SLC9A9: variants seen among roughly 807,000 people sequenced by gnomAD.
SLC9A9 encodes sodium/hydrogen exchanger 9.
A neutral mutation model predicts 77.8 loss-of-function variants in SLC9A9; 62 were observed. That is an observed-to-expected ratio of 0.80 (90% CI 0.65 to 0.98). SLC9A9 has a LOEUF of 0.98. Among genes scored for constraint, SLC9A9 ranks in the 50% least tolerant of loss-of-function variants. SLC9A9 has a pLI of 0.00. For synonymous variants in SLC9A9, 320 were observed against 283.5 expected (o/e 1.13, Z -1.29); for missense variants, 775 against 774.9 (o/e 1.00, Z 0.00).
At chr3:143,664,392 C>G (rs2039028914) in intron 5 of SLC9A9, among the ~76,000 whole-genome samples, 1 of 152,156 alleles carries the variant, frequency 6.6e-6, no homozygotes, top group South Asian at 2.1e-4. Flanking sequence ...ATTGTAAAGA[C>G]CATCGATGCT....
chr3:143,762,084 T>G (rs1175172947), intron 4 of SLC9A9, among the ~76,000 whole-genome samples: 1 of 151,908 alleles, frequency 6.6e-6, no homozygotes, highest in Admixed American at 6.6e-5. Flanking sequence ...AGCAAACTAT[T>G]GCAAGGACAA....
At chr3:143,517,024 A>G in intron 9 of SLC9A9, 1 of 729,174 alleles carries the variant, frequency 1.4e-6, no homozygotes, top group Non-Finnish European at 2.3e-6. Flanking sequence ...ATTTCTGTTT[A>G]TTGAGTAATT....
At chr3:143,642,390 A>G (rs1045741008) in intron 6 of SLC9A9, among the ~76,000 whole-genome samples, 2 of 152,158 alleles carry the variant, frequency 1.3e-5, no homozygotes, top group African/African-American at 4.8e-5. Flanking sequence ...TTCCTCAAAT[A>G]TCTTATAAAG....
chr3:143,620,528 G>A (rs1366064862), intron 6 of SLC9A9: 1 of 152,288 alleles, frequency 6.6e-6, no homozygotes, highest in African/African-American at 2.4e-5. Flanking sequence ...GAGCCCACGT[G>A]GGTGTGGGCA....
chr3:143,642,294 C>G (rs1194487393), intron 6 of SLC9A9, among the ~76,000 whole-genome samples: 1 of 152,172 alleles, frequency 6.6e-6, no homozygotes, highest in African/African-American at 2.4e-5. Flanking sequence ...CATCTCTCCT[C>G]TCTGGTTGCT....
intron 14 of SLC9A9, among the ~76,000 whole-genome samples, chr3:143,337,601 C>T (rs2031969144): frequency 6.6e-6 from 1 of 152,214 alleles, no homozygotes; most frequent in Admixed American, 6.5e-5. Context: ...GCTGGAGAAA[C>T]ATATGGCTCC....
intron 4 of SLC9A9, among the ~76,000 whole-genome samples, chr3:143,753,618 T>C (rs982222404): frequency 5.9e-5 from 9 of 152,144 alleles, no homozygotes; most frequent in Non-Finnish European, 4.4e-5. Context: ...CAGGGATGAA[T>C]GCTGTGCTGT....
At chr3:143,606,569 C>A (rs2037932976) in intron 6 of SLC9A9, among the ~76,000 whole-genome samples, 2 of 148,978 alleles carry the variant, frequency 1.3e-5, no homozygotes, top group Admixed American at 6.7e-5. Context: ...TTTTCTAAAA[C>A]AACTGCATTT....
At chr3:143,614,562 A>G (rs904270888) in intron 6 of SLC9A9, among the ~76,000 whole-genome samples, 3 of 152,172 alleles carry the variant, frequency 2.0e-5, no homozygotes, top group Non-Finnish European at 4.4e-5. Context: ...AAGAGGAGAA[A>G]TTGCCCTCTG....
chr3:143,373,214 C>T lies in SLC9A9; in HGVS notation c.1524+8846G>A, dbSNP rs138104923. 9.4e-4 allele frequency among the ~76,000 whole-genome samples: 143 copies of T among 152,206 alleles called. 1 individual carries two copies. Among genetic ancestry groups the T allele is most frequent in the African/African-American group, 3.3e-3 (136 of 41,522 alleles). On this transcript the variant is annotated intron_variant, in intron 13 of 15. Transcript: ENST00000316549. ...CGGCACCAACCTAAGTGCCCACTGGCCAATGAGTGGCTAAAGAAAATGTGG... is the reference window on the plus strand; with the variant it reads ...CGGCACCAACCTAAGTGCCCACTGGTCAATGAGTGGCTAAAGAAAATGTGG...
chr3:143,541,964 G>A (rs1459692162), intron 9 of SLC9A9, among the ~76,000 whole-genome samples: 1 of 152,188 alleles, frequency 6.6e-6, no homozygotes, highest in Non-Finnish European at 1.5e-5. Context: ...CTGGGTCCCA[G>A]TACCCAGGAC....
At chr3:143,650,576 T>C (rs929527620) in intron 6 of SLC9A9, among the ~76,000 whole-genome samples, 3 of 152,210 alleles carry the variant, frequency 2.0e-5, no homozygotes, top group Admixed American at 6.5e-5. Flanking sequence ...TTTGAATATG[T>C]AAGCTTTGGA....
At chr3:143,636,487 T>C (rs1376638771) in intron 6 of SLC9A9, among the ~76,000 whole-genome samples, 5 of 152,168 alleles carry the variant, frequency 3.3e-5, no homozygotes, top group African/African-American at 1.2e-4. Flanking sequence ...AATATTTTTA[T>C]AGATTTAGGG....
intron 12 of SLC9A9, among the ~76,000 whole-genome samples, chr3:143,451,621 C>T (rs1211770720): frequency 6.6e-5 from 10 of 151,768 alleles, no homozygotes; most frequent in Non-Finnish European, 1.0e-4. Flanking sequence ...ACTAGTTCAC[C>T]GATAACCAAA....
At chr3:143,640,628 AG>A (rs1378812760) in intron 6 of SLC9A9, among the ~76,000 whole-genome samples, 1 of 152,170 alleles carries the variant, frequency 6.6e-6, no homozygotes, top group African/African-American at 2.4e-5. Context: ...TGGGAGGCCA[AG>A]GCGGGACAAT....
intron 11 of SLC9A9, among the ~76,000 whole-genome samples, chr3:143,473,897 G>C (rs1167347268): frequency 6.6e-6 from 1 of 152,112 alleles, no homozygotes. Context: ...ATTCATTCAG[G>C]CTCCAGGTGA....
intron 9 of SLC9A9, among the ~76,000 whole-genome samples, chr3:143,498,960 T>C (rs563519122): frequency 1.3e-5 from 2 of 152,340 alleles, no homozygotes; most frequent in South Asian, 4.1e-4. Context: ...TTGGGTATTT[T>C]CTAGTTTGGG....
At chr3:143,432,006 G>A (rs897005313) in intron 12 of SLC9A9, among the ~76,000 whole-genome samples, 18 of 152,040 alleles carry the variant, frequency 1.2e-4, no homozygotes, top group Non-Finnish European at 1.0e-4. Context: ...TCAAATCACA[G>A]CCCAATCCCA....
intron 6 of SLC9A9, among the ~76,000 whole-genome samples, chr3:143,641,385 CTTT>C (rs529425639): frequency 1.8e-4 from 14 of 78,826 alleles, no homozygotes; most frequent in Non-Finnish European, 2.6e-4. Flanking sequence ...TTGTCACAGT[CTTT>C]TTTTTTTTTT....
Sources: allele counts gnomAD v4.1 joint callset (sites outside exome capture counted in the v4.1 genomes callset), GRCh38; gene constraint gnomAD v4.1.1; transcripts MANE v1.5; gene names NCBI Gene and HGNC (gene_info 2026-07-23, HGNC 2026-07-21).